Variants in DRC8 observed in about 807,000 individuals in gnomAD.
The protein encoded by DRC8 is dynein regulatory complex subunit 8, also known as dynein regulatory complex protein 8.
At chr1:245,119,638 A>G in the DRC8 span, among the ~76,000 whole-genome samples, 4 of 136,066 alleles carry the variant, frequency 2.9e-5, no homozygotes, top group African/African-American at 8.2e-5. Flanking sequence ...GACCCTGTCT[A>G]AAAAAAAAAA....
At chr1:244,993,873 A>G in the DRC8 span, among the ~76,000 whole-genome samples, 20 of 152,100 alleles carry the variant, frequency 1.3e-4, no homozygotes, top group South Asian at 3.5e-3. Context: ...TGGCCTAATC[A>G]CCTCTTAAGC....
the DRC8 span, among the ~76,000 whole-genome samples, chr1:245,113,225 G>T: frequency 1.3e-5 from 2 of 152,184 alleles, no homozygotes; most frequent in Non-Finnish European, 2.9e-5. Context: ...TTACAGGCGA[G>T]TCAGCCAAGT....
the DRC8 span, chr1:245,083,400 G>A: frequency 6.3e-7 from 1 of 1,580,336 alleles, no homozygotes; most frequent in Non-Finnish European, 8.7e-7. Flanking sequence ...AAAGACTGCG[G>A]TAAATACCAC....
At chr1:245,053,568 G>A in the DRC8 span, among the ~76,000 whole-genome samples, 2 of 152,246 alleles carry the variant, frequency 1.3e-5, no homozygotes, top group African/African-American at 4.8e-5. Flanking sequence ...CAGTTTGTAG[G>A]TGTACAGGGA....
the DRC8 span, among the ~76,000 whole-genome samples, chr1:245,082,396 A>G: frequency 6.6e-6 from 1 of 152,236 alleles, no homozygotes; most frequent in Non-Finnish European, 1.5e-5. Flanking sequence ...AATAAGCTAT[A>G]AAGATCGTAA....
At chr1:245,005,067 A>T in the DRC8 span, among the ~76,000 whole-genome samples, 1 of 152,068 alleles carries the variant, frequency 6.6e-6, no homozygotes, top group African/African-American at 2.4e-5. Flanking sequence ...CGTTCTATTA[A>T]TGTGGTGTAT....
the DRC8 span, among the ~76,000 whole-genome samples, chr1:245,108,136 C>A: frequency 2.0e-5 from 3 of 152,098 alleles, no homozygotes; most frequent in Non-Finnish European, 2.9e-5. Flanking sequence ...GTCACCCACC[C>A]GTCACCCAGT....
At chr1:245,064,319 G>T in the DRC8 span, among the ~76,000 whole-genome samples, 10 of 152,334 alleles carry the variant, frequency 6.6e-5, no homozygotes, top group South Asian at 1.2e-3. Context: ...AGATAGGTCA[G>T]TGATAAGAAC....
At chr1:245,076,216 C>T in the DRC8 span, among the ~76,000 whole-genome samples, 3 of 152,280 alleles carry the variant, frequency 2.0e-5, no homozygotes, top group Middle Eastern at 0.01. Flanking sequence ...TGTCATAGAA[C>T]CAGAAGTGTG....
At chr1:245,046,357 G>T in the DRC8 span, among the ~76,000 whole-genome samples, 3 of 151,878 alleles carry the variant, frequency 2.0e-5, no homozygotes. Flanking sequence ...CAGAATTAAT[G>T]GCCTCATATT....
chr1:245,117,683 T>A, the DRC8 span, among the ~76,000 whole-genome samples: 4 of 152,058 alleles, frequency 2.6e-5, no homozygotes, highest in African/African-American at 7.2e-5. Flanking sequence ...TTAAATATGC[T>A]TCAGGGCAGG....
chr1:245,053,897 G>A, the DRC8 span, among the ~76,000 whole-genome samples: 10 of 152,188 alleles, frequency 6.6e-5, no homozygotes, highest in Non-Finnish European at 1.0e-4. Context: ...CCTTGCAGGC[G>A]GCAGGACCTA....
the DRC8 span, chr1:245,087,670 A>G: frequency 2.9e-6 from 3 of 1,039,830 alleles, no homozygotes; most frequent in Non-Finnish European, 3.5e-6. Context: ...TGACAAAATG[A>G]AAATGACTTA....
At chr1:245,078,251 A>G in the DRC8 span, among the ~76,000 whole-genome samples, 1 of 152,228 alleles carries the variant, frequency 6.6e-6, no homozygotes, top group Non-Finnish European at 1.5e-5. Context: ...TGGCACAGCC[A>G]CTACGGAAAA....
At chr1:245,044,092 G>A in the DRC8 span, 1 of 152,024 alleles carries the variant, frequency 6.6e-6, no homozygotes, top group African/African-American at 2.4e-5. Flanking sequence ...CAAAAAGAAA[G>A]GTAATTGTAA....
At chr1:245,065,192 A>G in the DRC8 span, among the ~76,000 whole-genome samples, 1 of 146,094 alleles carries the variant, frequency 6.8e-6, no homozygotes, top group African/African-American at 2.5e-5. Flanking sequence ...CTCCCAAATT[A>G]CAGGCGCATG....
At chr1:245,078,205 G>A in the DRC8 span, among the ~76,000 whole-genome samples, 2 of 152,076 alleles carry the variant, frequency 1.3e-5, no homozygotes, top group Non-Finnish European at 1.5e-5. Flanking sequence ...TGGTGAGGGT[G>A]TGGAGAAAAA....
At chr1:245,057,751 A>G in the DRC8 span, among the ~76,000 whole-genome samples, 3 of 152,164 alleles carry the variant, frequency 2.0e-5, no homozygotes, top group Non-Finnish European at 4.4e-5. Flanking sequence ...AGTCAGGGCA[A>G]TTGGGATATC....
At chr1:245,009,432 A>C in the DRC8 span, among the ~76,000 whole-genome samples, 1 of 149,784 alleles carries the variant, frequency 6.7e-6, no homozygotes, top group Non-Finnish European at 1.5e-5. Flanking sequence ...CCTTTAATTA[A>C]CCAATATAAC....
Sources: allele counts gnomAD v4.1 joint callset (sites outside exome capture counted in the v4.1 genomes callset), GRCh38; gene constraint gnomAD v4.1.1; transcripts MANE v1.5; gene names NCBI Gene and HGNC (gene_info 2026-07-23, HGNC 2026-07-21).